The following NMRK2 variants were observed in gnomAD, a reference collection of about 807,000 sequenced individuals.
NMRK2 encodes nicotinamide riboside kinase 2.
In NMRK2, 34 loss-of-function variants were observed where a neutral mutation model predicts 24.7. The observed-to-expected ratio is 1.37, with a 90% CI of 1.05 to 1.83. The LOEUF is 1.83. Among genes scored for constraint, NMRK2 ranks in the 40% most tolerant of loss-of-function variants. The pLI is 0.00. For missense variants in NMRK2, 341 were observed against 315.0 expected, an observed-to-expected ratio of 1.08 and a Z score of -0.62; for synonymous variants, 145 against 125.6, an observed-to-expected ratio of 1.15 and a Z score of -1.03.
At chr19:3,939,190 C>T (rs1180532541) in intron 5 of NMRK2, among the ~76,000 whole-genome samples, 1 of 151,790 alleles carries the variant, frequency 6.6e-6, no homozygotes, top group South Asian at 2.1e-4. Context: ...GGAGCAGAGC[C>T]ACCACGGGAA....
chr19:3,933,148 G>C lies in NMRK2; in HGVS notation c.-245G>C, dbSNP rs1599156518. The C allele has an allele frequency of 3.3e-5, 5 of 153,654 alleles. No individual in the cohort carries two copies. In the Admixed American group the frequency reaches 3.3e-4, roughly 10 times the overall value. The allele number at this position is 153,654 out of a possible 1,614,324, so 9.5% of individuals were successfully genotyped here. The stretch of plus-strand genomic sequence containing the variant: ...AAACGAAGCTCCCCGCAGGGTCCCG[G>C]CCTCTAGGGCTGCTGTGCGGGCGGG... On this transcript the variant is annotated 5_prime_UTR_variant, in exon 1 of 8. Transcript: ENST00000168977.
intron 7 of NMRK2, among the ~76,000 whole-genome samples, chr19:3,941,840 A>G (rs1177966433): frequency 6.6e-6 from 1 of 151,538 alleles, no homozygotes; most frequent in African/African-American, 2.4e-5. Flanking sequence ...ATGGGGTTTC[A>G]CCCTGTTGGC....
In NMRK2 at chr19:3,939,924, C is replaced by A; in HGVS notation, c.348C>A (p.Arg116=). The A allele has an allele frequency of 6.2e-7, 1 of 1,612,482 alleles. No individual in the cohort carries two copies. Among genetic ancestry groups the A allele is most frequent in the Non-Finnish European group, 8.5e-7 (1 of 1,178,668 alleles). The change falls in exon 6 of 8, where the codon CGC becomes CGA. Residue 116 remains arginine (R), a synonymous_variant. Coordinates refer to ENST00000168977, the MANE Select transcript of NMRK2 (RefSeq NM_170678.3). ...GGCCCCTGGTGGACTTGTACAGCCGCCGGTACTTCCTGACCGTCCCGTATG... is the reference window on the plus strand; with the variant it reads ...GGCCCCTGGTGGACTTGTACAGCCGACGGTACTTCCTGACCGTCCCGTATG... The part of the protein sequence containing the change: ...SYKPLVDLYS[R]RYFLTVPYEE...
At chr19:3,939,783 C>T in intron 5 of NMRK2, 117 bp from the exon 6 acceptor site, 1 of 835,094 alleles carries the variant, frequency 1.2e-6, no homozygotes. Context: ...ACTCACTGGC[C>T]CAGACCACCC....
chr19:3,940,029 G>C (rs1178207779), intron 6 of NMRK2, 58 bp downstream of exon 6: 4 of 1,484,478 alleles, frequency 2.7e-6, no homozygotes, highest in Non-Finnish European at 3.7e-6. Context: ...TGAATTACTG[G>C]GTGGAACCAG....
chr19:3,939,364 A>C (rs1436514163), intron 5 of NMRK2, among the ~76,000 whole-genome samples: 1 of 151,808 alleles, frequency 6.6e-6, no homozygotes, highest in African/African-American at 2.4e-5. Context: ...AATACAAAAA[A>C]TTAGCCAGGT....
chr19:3,933,809 A>C (rs1157280081), intron 2 of NMRK2, 112 bp downstream of exon 2: 18 of 1,081,078 alleles, frequency 1.7e-5, no homozygotes, highest in South Asian at 1.3e-4. Flanking sequence ...GGTCACCTAC[A>C]CGCCGCCCGA....
chr19:3,939,203 C>T (rs2039280877), intron 5 of NMRK2, among the ~76,000 whole-genome samples: 1 of 150,700 alleles, frequency 6.6e-6, no homozygotes, highest in Admixed American at 6.6e-5. Context: ...CACGGGAAGT[C>T]AGGAGTTGGG....
chr19:3,933,810 C>G (rs1456936119), intron 2 of NMRK2, 113 bp downstream of exon 2: 7 of 1,091,854 alleles, frequency 6.4e-6, no homozygotes, highest in Middle Eastern at 5.3e-4. Flanking sequence ...GTCACCTACA[C>G]GCCGCCCGAG....
intron 2 of NMRK2, among the ~76,000 whole-genome samples, chr19:3,935,166 G>C (rs188702428): frequency 6.6e-6 from 1 of 151,650 alleles, no homozygotes; most frequent in Non-Finnish European, 1.5e-5. Context: ...ATTACAGGTG[G>C]GAGCCACCAC....
chr19:3,939,355 A>C (rs527727133), intron 5 of NMRK2, among the ~76,000 whole-genome samples: 1 of 151,302 alleles, frequency 6.6e-6, no homozygotes, highest in African/African-American at 2.4e-5. Context: ...TCTACTAAAA[A>C]TACAAAAAAT....
Position 3,938,735 on chromosome 19 carries a change from A to C in NMRK2, c.299A>C (p.Glu100Ala), listed in dbSNP as rs779607675. 1 of 1,604,108 alleles carries C rather than the reference A, an allele frequency of 6.2e-7. No homozygotes were observed. Among genetic ancestry groups the C allele is most frequent in the East Asian group, 2.3e-5 (1 of 44,138 alleles). Residue 100 changes from glutamate to alanine, a missense_variant, in exon 5 of 8, where the codon GAA becomes GCA. By Grantham distance (107) the Glu-to-Ala change is moderately radical (BLOSUM62 -1). Coordinates refer to ENST00000168977, the MANE Select transcript of NMRK2 (RefSeq NM_170678.3). Reference protein sequence around the residue: ...EASDTHILLLEGFLLYSYKPL... With the variant: ...EASDTHILLLAGFLLYSYKPL... Reference sequence around the variant, plus strand: ...TCGGACACCCACATCCTCCTCCTGGAAGGCTTCCTGCTCTACAGCTACAAG... The same window carrying C: ...TCGGACACCCACATCCTCCTCCTGGCAGGCTTCCTGCTCTACAGCTACAAG...
intron 2 of NMRK2, among the ~76,000 whole-genome samples, chr19:3,933,991 G>C (rs1393482389): frequency 6.6e-6 from 1 of 152,012 alleles, no homozygotes; most frequent in East Asian, 1.9e-4. Context: ...CTCAGGCCTG[G>C]AATCCTGGCA....
chr19:3,933,316 A>G (rs2304192), intron 1 of NMRK2, 138 bp downstream of exon 1: 199,848 of 272,976 alleles, frequency 0.73, 71,913 homozygotes, highest in East Asian at 0.96. Context: ...AGGAGGGAAG[A>G]GGGTGGGGGT....
chr19:3,942,307 A>T lies in NMRK2; in HGVS notation c.*34A>T, dbSNP rs996665108. The T allele has an allele frequency of 2.6e-6, 4 of 1,550,844 alleles. No homozygotes were observed. In the Admixed American group the frequency reaches 5.8e-5, roughly 22 times the overall value. ...CTATGGGGGTGTCTGTACGTAGGAG[A>T]GTGGAGGCCCCACTCCCAGTTGGGC... is the stretch of plus-strand genomic sequence containing the variant. On this transcript the variant is annotated 3_prime_UTR_variant, in exon 8 of 8. Transcript: ENST00000168977.
chr19:3,937,135 G>A lies in NMRK2; in HGVS notation c.118-105G>A, dbSNP rs1008743498. On this transcript the variant is annotated intron_variant, in intron 3 of 7. Transcript: ENST00000168977. ...GTCAGGCAGAGCCCCCACGCCTCAG[G>A]GACCTCAGCAGCTCCAGCAAGGGAC... is the stretch of plus-strand genomic sequence containing the variant. 6 of 1,108,996 alleles carry A rather than the reference G, an allele frequency of 5.4e-6. No homozygotes were observed. The African/African-American group carries it at 6.2e-5, about 11-fold the overall frequency. 68.7% of individuals were successfully genotyped at this position (1,108,996 alleles called of 1,614,324 possible).
intron 2 of NMRK2, 28 bp downstream of exon 2, chr19:3,933,725 C>T (rs929956629): frequency 3.6e-6 from 5 of 1,407,146 alleles, no homozygotes; most frequent in Middle Eastern, 2.0e-4. Context: ...TGGTGGGCGG[C>T]CCTGCGGGGC....
chr19:3,936,717 A>C lies in NMRK2; in HGVS notation c.117+52A>C, dbSNP rs752594163. 3.4e-6 allele frequency: 5 copies of C among 1,469,408 alleles called. 1 individual carries two copies. In the South Asian group the frequency reaches 6.4e-5, roughly 19 times the overall value. 91.0% of individuals were successfully genotyped at this position (1,469,408 alleles called of 1,614,324 possible). On this transcript the variant is annotated intron_variant, in intron 3 of 7. Coordinates refer to ENST00000168977, the MANE Select transcript of NMRK2 (RefSeq NM_170678.3). ...AGCTGAGAGGGGATGCAGGGTGGGCAGCCAGGCCCGGCCAGCCCCGCCCTC... is the reference window on the plus strand; with the variant it reads ...AGCTGAGAGGGGATGCAGGGTGGGCCGCCAGGCCCGGCCAGCCCCGCCCTC...
rs1390723090 is a variant in NMRK2, at chr19:3,939,899, G to A, written c.324-1G>A. On this transcript the variant is annotated splice_acceptor_variant, in intron 5 of 7. Transcript: ENST00000168977. LOFTEE classifies it high-confidence loss of function. ...GACCGTGTCTCCCCCACTCCGCCCA[G>A]GCCCCTGGTGGACTTGTACAGCCGC... 6.2e-7 allele frequency: 1 copy of A among 1,613,158 alleles called. No homozygotes were observed. Among genetic ancestry groups the A allele is most frequent in the South Asian group, 1.1e-5 (1 of 91,042 alleles).
Sources: allele counts gnomAD v4.1 joint callset (sites outside exome capture counted in the v4.1 genomes callset), GRCh38; gene constraint gnomAD v4.1.1; transcripts MANE v1.5; gene names NCBI Gene and HGNC (gene_info 2026-07-23, HGNC 2026-07-21).